Variants in CSMD1 observed in about 807,000 individuals in gnomAD.
CSMD1 encodes CUB and sushi domain-containing protein 1.
Under a neutral mutation model 417.5 loss-of-function variants are expected in CSMD1, and 213 were observed. The observed-to-expected ratio is 0.51, with a 90% CI of 0.46 to 0.57. CSMD1 has a LOEUF of 0.57. CSMD1 is among the 20% of genes least tolerant of loss of function. The pLI, the probability that CSMD1 is intolerant of heterozygous loss-of-function variation, is 0.00. For synonymous variants in CSMD1, 2,862 were observed against 1,736.8 expected, an observed-to-expected ratio of 1.65 and a Z score of -16.11; for missense variants, 6,923 against 4,529.7, an observed-to-expected ratio of 1.53 and a Z score of -15.17.
At chr8:3,049,686 G>C (rs965093093) in intron 50 of CSMD1, among the ~76,000 whole-genome samples, 2 of 152,082 alleles carry the variant, frequency 1.3e-5, no homozygotes, top group African/African-American at 4.8e-5. Context: ...TACTATCATG[G>C]TGGATCCCTG....
chr8:3,787,338 G>C (rs1270932215), intron 5 of CSMD1, among the ~76,000 whole-genome samples: 2 of 152,170 alleles, frequency 1.3e-5, no homozygotes, highest in African/African-American at 4.8e-5. Flanking sequence ...AGAGAAAACA[G>C]TTCAATGTTG....
chr8:4,282,427 C>T (rs1796838642), intron 3 of CSMD1, among the ~76,000 whole-genome samples: 1 of 152,138 alleles, frequency 6.6e-6, no homozygotes, highest in African/African-American at 2.4e-5. Flanking sequence ...GTCCTCTTCT[C>T]CAAGCAAGGT....
chr8:3,141,348 T>A (rs1002401349), intron 41 of CSMD1, among the ~76,000 whole-genome samples: 1 of 152,226 alleles, frequency 6.6e-6, no homozygotes, highest in South Asian at 2.1e-4. Flanking sequence ...GCTGTCCTTG[T>A]TCATTCCTGG....
chr8:4,160,402 C>T (rs1024304436), intron 3 of CSMD1, among the ~76,000 whole-genome samples: 2 of 151,982 alleles, frequency 1.3e-5, no homozygotes, highest in African/African-American at 2.4e-5. Context: ...CATATATATA[C>T]GCAACTTTAA....
At chr8:4,530,369 C>T (rs1201753988) in intron 2 of CSMD1, among the ~76,000 whole-genome samples, 1 of 110,302 alleles carries the variant, frequency 9.1e-6, no homozygotes, top group East Asian at 3.1e-4. Flanking sequence ...GATACACTTG[C>T]TGAACGTGCA....
chr8:4,373,141 C>A (rs541382493), intron 3 of CSMD1, among the ~76,000 whole-genome samples: 43 of 152,250 alleles, frequency 2.8e-4, no homozygotes, highest in African/African-American at 1.0e-3. Flanking sequence ...TCAGACACCT[C>A]CCTAGGGAGG....
chr8:4,455,445 C>T (rs541920948), intron 2 of CSMD1, among the ~76,000 whole-genome samples: 1 of 152,100 alleles, frequency 6.6e-6, no homozygotes, highest in African/African-American at 2.4e-5. Context: ...AGAAATGATA[C>T]AAGCACACAG....
chr8:4,935,022 G>C (rs1215965013), intron 1 of CSMD1, among the ~76,000 whole-genome samples: 1 of 152,002 alleles, frequency 6.6e-6, no homozygotes, highest in Non-Finnish European at 1.5e-5. Flanking sequence ...TATCTATCTA[G>C]AACTTAAGGA....
intron 5 of CSMD1, among the ~76,000 whole-genome samples, chr8:3,961,282 A>AAGCATAAAAGTTATATG (rs1812302840): frequency 6.6e-6 from 1 of 152,188 alleles, no homozygotes; most frequent in Non-Finnish European, 1.5e-5. Flanking sequence ...AAAGTTATAT[A>AAGCATAAAAGTTATATG]AGCATAAAAG....
chr8:3,588,692 C>T (rs73489580), intron 8 of CSMD1, among the ~76,000 whole-genome samples: 4,226 of 152,080 alleles, frequency 0.028, 176 homozygotes, highest in African/African-American at 0.096. Context: ...AGCCTAAACC[C>T]CCAAAGCGCA....
chr8:4,275,426 T>A (rs1040399903), intron 3 of CSMD1, among the ~76,000 whole-genome samples: 1 of 152,128 alleles, frequency 6.6e-6, no homozygotes, highest in Admixed American at 6.6e-5. Flanking sequence ...TACATTGATT[T>A]GTGTGCATGA....
chr8:4,301,987 T>A (rs1408584827), intron 3 of CSMD1, among the ~76,000 whole-genome samples: 3 of 152,242 alleles, frequency 2.0e-5, no homozygotes, highest in African/African-American at 7.2e-5. Context: ...CCTGTTCAGA[T>A]ATGTTAGAAC....
At chr8:4,551,356 A>G (rs1257275302) in intron 2 of CSMD1, among the ~76,000 whole-genome samples, 1 of 152,118 alleles carries the variant, frequency 6.6e-6, no homozygotes. Flanking sequence ...TGTGCTGTGT[A>G]CACCATTTCA....
chr8:3,555,543 A>G (rs2116814292), intron 10 of CSMD1, among the ~76,000 whole-genome samples: 1 of 152,270 alleles, frequency 6.6e-6, no homozygotes, highest in Admixed American at 6.5e-5. Flanking sequence ...AGCTGGGTGA[A>G]CTTAAACGCT....
At chr8:4,073,503 T>C (rs1478380759) in intron 3 of CSMD1, among the ~76,000 whole-genome samples, 1 of 152,174 alleles carries the variant, frequency 6.6e-6, no homozygotes, top group Non-Finnish European at 1.5e-5. Context: ...TCCAATATTC[T>C]TTCAGAGGAC....
chr8:3,836,373 C>G (rs1321878366), intron 5 of CSMD1, among the ~76,000 whole-genome samples: 1 of 151,988 alleles, frequency 6.6e-6, no homozygotes, highest in African/African-American at 2.4e-5. Flanking sequence ...TGTGGGAATC[C>G]CAAGGGTCTA....
At chr8:3,537,926 A>C (rs890860006) in intron 10 of CSMD1, among the ~76,000 whole-genome samples, 9 of 152,184 alleles carry the variant, frequency 5.9e-5, no homozygotes, top group African/African-American at 2.2e-4. Context: ...GAGAATAATG[A>C]GTGTTTCTCC....
At chr8:4,825,287 G>A (rs915281229) in intron 1 of CSMD1, among the ~76,000 whole-genome samples, 1 of 152,022 alleles carries the variant, frequency 6.6e-6, no homozygotes, top group African/African-American at 2.4e-5. Flanking sequence ...CCCACTCAAG[G>A]ATATAAACAA....
intron 1 of CSMD1, among the ~76,000 whole-genome samples, chr8:4,926,972 G>T (rs1806911329): frequency 6.6e-6 from 1 of 151,844 alleles, no homozygotes; most frequent in Non-Finnish European, 1.5e-5. Context: ...TTCAGCTAGA[G>T]CACATACTAT....
Sources: gnomAD v4.1 joint callset for allele counts (sites outside exome capture counted in the v4.1 genomes callset) on GRCh38, gnomAD v4.1.1 for gene constraint, MANE v1.5 for transcripts, NCBI Gene and HGNC (gene_info 2026-07-23, HGNC 2026-07-21) for gene names.